Variants in RAB43 observed in about 807,000 individuals in gnomAD.
The protein encoded by RAB43 is ras-related protein Rab-43.
Under a neutral mutation model 18.8 loss-of-function variants are expected in RAB43, and 6 were observed. The ratio of observed to expected loss-of-function variants is 0.32; its 90% CI spans 0.17 to 0.63. The LOEUF (loss-of-function observed/expected upper bound fraction) is 0.63. Ranked by LOEUF, RAB43 falls within the 30% of genes least tolerant of loss-of-function variation. The pLI is 0.79. For synonymous variants in RAB43, 103 were observed against 124.1 expected (o/e 0.83, Z 1.13); for missense variants, 195 against 289.1 (o/e 0.67, Z 2.36).
intron 1 of RAB43, among the ~76,000 whole-genome samples, chr3:129,098,966 G>A (rs1424167754): frequency 5.9e-5 from 9 of 151,978 alleles, no homozygotes; most frequent in African/African-American, 7.2e-5. Context: ...CCAACTACTC[G>A]GGAGGCTGAG....
intron 1 of RAB43, among the ~76,000 whole-genome samples, chr3:129,114,352 C>T (rs1051456546): frequency 6.6e-6 from 1 of 152,038 alleles, no homozygotes; most frequent in African/African-American, 2.4e-5. Context: ...GGAGAGGGCA[C>T]AAGACAGCAA....
chr3:129,097,743 C>T (rs895137807), intron 1 of RAB43, among the ~76,000 whole-genome samples: 1 of 152,068 alleles, frequency 6.6e-6, no homozygotes, highest in Admixed American at 6.6e-5. Flanking sequence ...ATGGCAGCAT[C>T]GCTGGTGGCA....
intron 1 of RAB43, among the ~76,000 whole-genome samples, chr3:129,117,190 T>A (rs1205508993): frequency 6.6e-6 from 1 of 152,256 alleles, no homozygotes; most frequent in Admixed American, 6.5e-5. Flanking sequence ...TTGAACCATG[T>A]GAATGGTTTA....
At chr3:129,109,986 T>A (rs1935052247) in intron 1 of RAB43, among the ~76,000 whole-genome samples, 1 of 151,684 alleles carries the variant, frequency 6.6e-6, no homozygotes, top group Admixed American at 6.6e-5. Context: ...CACCTCAGTC[T>A]CCTGAGTAGC....
chr3:129,121,192 G>A (rs1384202981), intron 1 of RAB43, 94 bp downstream of exon 1: 13 of 1,148,272 alleles, frequency 1.1e-5, no homozygotes, highest in Non-Finnish European at 1.6e-5. Context: ...AACTTCAGAT[G>A]GACGCGGGGT....
At position 129,091,082 on chromosome 3, in the gene RAB43, G is replaced by A. The variant is rs1174633447; in HGVS notation, c.*14C>T. ...GGAGGTGGGGAACCCCCAGTCTGCC[G>A]GCCCGGCCCCTGGTCAGCACCCGCA... On this transcript the variant is annotated 3_prime_UTR_variant, in exon 3 of 3. Coordinates refer to ENST00000315150, the MANE Select transcript of RAB43 (RefSeq NM_198490.3). The A allele has an allele frequency of 6.2e-6, 10 of 1,608,006 alleles. No individual in the cohort carries two copies. Among genetic ancestry groups the A allele is most frequent in the East Asian group, 4.5e-5 (2 of 44,782 alleles).
intron 1 of RAB43, among the ~76,000 whole-genome samples, chr3:129,106,984 G>A (rs955805939): frequency 3.3e-5 from 5 of 152,174 alleles, no homozygotes; most frequent in African/African-American, 1.2e-4. Flanking sequence ...CAGTCACCCA[G>A]GAAGCACAGT....
chr3:129,110,455 A>C (rs1373369746), intron 1 of RAB43, among the ~76,000 whole-genome samples: 1 of 152,228 alleles, frequency 6.6e-6, no homozygotes, highest in Non-Finnish European at 1.5e-5. Flanking sequence ...GGAAGGAAGC[A>C]AACAGTAACA....
In RAB43 at chr3:129,104,134, C is replaced by T. The variant is rs369521813; in HGVS notation, c.205-8965G>A. Among the ~76,000 whole-genome samples the T allele has an allele frequency of 1.7e-4, 26 of 152,320 alleles. No homozygotes were observed. The East Asian group carries it at 4.6e-3, about 27-fold the overall frequency. On this transcript the variant is annotated intron_variant, in intron 1 of 2. Transcript: ENST00000315150. ...GAGAGTACTGAGGACCATTTTGCCC[C>T]GTGAACCTTTTACACTGTCAGCTGA...
chr3:129,092,058 T>TAA (rs1012657876), intron 2 of RAB43, among the ~76,000 whole-genome samples: 20 of 59,526 alleles, frequency 3.4e-4, no homozygotes, highest in South Asian at 2.0e-3. Context: ...AACTCCGTCA[T>TAA]AAAAAAAAAA....
Position 129,095,050 on chromosome 3 carries a change from C to T in RAB43, c.324G>A (p.Ser108=), listed in dbSNP as rs1340344701. ...YDITKRSSFL[S]VPHWIEDVRK... ...TCACATCCTCAATCCAGTGAGGCAC[C>T]GACAGGAAGGAGCTCCTCTTGGTGA... The change falls in exon 2 of 3, where the codon TCG becomes TCA. Residue 108 remains serine (S), a synonymous_variant. Transcript: ENST00000315150. The surrounding 1 kb of genome is among the most constrained non-coding windows in gnomAD (Gnocchi z 4.2). 5.6e-6 allele frequency: 9 copies of T among 1,613,726 alleles called. No homozygotes were observed. Among genetic ancestry groups the T allele is most frequent in the African/African-American group, 2.7e-5 (2 of 74,922 alleles).
At chr3:129,099,381 G>A (rs969391189) in intron 1 of RAB43, among the ~76,000 whole-genome samples, 2 of 150,872 alleles carry the variant, frequency 1.3e-5, no homozygotes, top group Non-Finnish European at 2.9e-5. Context: ...GTGAGCCACC[G>A]CGCCTGGCCT....
At chr3:129,112,149 G>A (rs1053069206) in intron 1 of RAB43, among the ~76,000 whole-genome samples, 3 of 152,066 alleles carry the variant, frequency 2.0e-5, no homozygotes, top group Admixed American at 6.5e-5. Flanking sequence ...CAGCTACTCA[G>A]GAGGCTGAGG....
At chr3:129,101,107 T>C (rs1934385605) in intron 1 of RAB43, among the ~76,000 whole-genome samples, 2 of 152,176 alleles carry the variant, frequency 1.3e-5, no homozygotes, top group African/African-American at 4.8e-5. Context: ...CGCCCGGCCA[T>C]TCTGTTTTTC....
At chr3:129,096,683 G>A (rs1018089038) in intron 1 of RAB43, among the ~76,000 whole-genome samples, 2 of 151,950 alleles carry the variant, frequency 1.3e-5, no homozygotes, top group African/African-American at 2.4e-5. Context: ...TTGGTGAGGC[G>A]CATTCAGAAA....
intron 1 of RAB43, among the ~76,000 whole-genome samples, chr3:129,109,573 C>T: frequency 6.6e-6 from 1 of 150,752 alleles, no homozygotes; most frequent in Non-Finnish European, 1.5e-5. Flanking sequence ...CCCGTCTCTA[C>T]TAAAAATACA....
upstream of RAB43, chr3:129,121,938 ACTCCGCCCTCAG>A (rs1365085192): frequency 8.8e-6 from 1 of 113,216 alleles, no homozygotes; most frequent in African/African-American, 3.6e-5. Flanking sequence ...CCCGCCCCCG[ACTCCGCCCTCAG>A]CTCCGACCTC....
intron 1 of RAB43, among the ~76,000 whole-genome samples, chr3:129,118,009 T>C (rs754961367): frequency 1.3e-5 from 2 of 152,004 alleles, no homozygotes; most frequent in African/African-American, 2.4e-5. Flanking sequence ...CCAGATACAA[T>C]AGAGTTACAG....
rs533496605 is a variant in RAB43, at chr3:129,095,650, T to C, written c.205-481A>G. ...TAGGGTTCCCTCAGGACTCTACAGCTTGGTGATGAGGACTGTGGGAAGGGT... is the reference window on the plus strand; with the variant it reads ...TAGGGTTCCCTCAGGACTCTACAGCCTGGTGATGAGGACTGTGGGAAGGGT... On this transcript the variant is annotated intron_variant, in intron 1 of 2. Coordinates refer to ENST00000315150, the MANE Select transcript of RAB43 (RefSeq NM_198490.3). The surrounding 1 kb of genome is among the most constrained non-coding windows in gnomAD (Gnocchi z 4.2). Among the ~76,000 whole-genome samples, 1 of 152,286 alleles carries C rather than the reference T, an allele frequency of 6.6e-6. No individual in the cohort carries two copies. The highest frequency in any genetic ancestry group is 2.1e-4 in the South Asian group (1 of 4,832).
Sources: allele counts gnomAD v4.1 joint callset (sites outside exome capture counted in the v4.1 genomes callset), GRCh38; gene constraint gnomAD v4.1.1; non-coding constraint Gnocchi (gnomAD v3.1); transcripts MANE v1.5; gene names NCBI Gene and HGNC (gene_info 2026-07-23, HGNC 2026-07-21).